The following SCPEP1 variants were observed in gnomAD, a reference collection of about 807,000 sequenced individuals.
SCPEP1 encodes retinoid-inducible serine carboxypeptidase.
Under a neutral mutation model 63.8 loss-of-function variants are expected in SCPEP1, and 51 were observed. The observed-to-expected ratio is 0.80, with a 90% CI of 0.64 to 1.01. The LOEUF (loss-of-function observed/expected upper bound fraction) is 1.01, where lower values mean the gene tolerates loss of function less well. Among genes scored for constraint, SCPEP1 ranks in the 50% least tolerant of loss-of-function variants. SCPEP1 has a pLI of 0.00. For synonymous variants in SCPEP1, 204 were observed against 207.8 expected, an observed-to-expected ratio of 0.98 and a Z score of 0.16; for missense variants, 499 against 554.9, an observed-to-expected ratio of 0.90 and a Z score of 1.01.
chr17:57,004,246 T>C lies in SCPEP1; in HGVS notation c.1297-1927T>C, dbSNP rs546474977. Among the ~76,000 whole-genome samples the C allele has an allele frequency of 1.3e-3, 203 of 152,188 alleles. 2 individuals carry two copies. Among genetic ancestry groups the C allele is most frequent in the Middle Eastern group, 6.8e-3 (2 of 292 alleles). On this transcript the variant is annotated intron_variant, in intron 12 of 12. Coordinates refer to ENST00000262288, the MANE Select transcript of SCPEP1 (RefSeq NM_021626.3). ...GTCTCAAAAAAGAACAAAAATCAAC[T>C]GGGCGCGGTGGCGCCTGCCTGTGGT...
intron 10 of SCPEP1, among the ~76,000 whole-genome samples, chr17:56,999,840 G>A (rs952181699): frequency 6.6e-5 from 10 of 152,182 alleles, no homozygotes; most frequent in Non-Finnish European, 1.2e-4. Flanking sequence ...AAATTAGCTG[G>A]GTGAGGTGGC....
intron 8 of SCPEP1, chr17:56,995,848 T>A (rs543402632): frequency 2.9e-6 from 1 of 350,060 alleles, no homozygotes; most frequent in Admixed American, 4.8e-5. Flanking sequence ...AAGACTTGCT[T>A]GTCCTTCACT....
intron 10 of SCPEP1, 26 bp from the exon 11 acceptor site, chr17:57,000,829 C>G: frequency 6.2e-7 from 1 of 1,613,490 alleles, no homozygotes; most frequent in Non-Finnish European, 8.5e-7. Context: ...CCAAGCTACT[C>G]CCTCTTTCTC....
At chr17:57,001,853 C>G (rs1230419387) in intron 11 of SCPEP1, among the ~76,000 whole-genome samples, 165 bp from the exon 12 acceptor site, 1 of 152,216 alleles carries the variant, frequency 6.6e-6, no homozygotes, top group Non-Finnish European at 1.5e-5. Flanking sequence ...TGCAGATGCT[C>G]AGGCCCTACC....
chr17:57,002,566 GTGTGGTAGCACA>G (rs1911771373), intron 12 of SCPEP1, among the ~76,000 whole-genome samples: 1 of 152,172 alleles, frequency 6.6e-6, no homozygotes, highest in African/African-American at 2.4e-5. Context: ...AATTTACCAG[GTGTGGTAGCACA>G]TGTCTGTAAT....
chr17:57,002,186 G>A lies in SCPEP1; in HGVS notation c.1296+5G>A. 3 of 1,611,782 alleles carry A rather than the reference G, an allele frequency of 1.9e-6. No homozygotes were observed. The highest frequency in any genetic ancestry group is 2.5e-6 in the Non-Finnish European group (3 of 1,179,290). On this transcript the variant is annotated splice_donor_5th_base_variant and intron_variant, in intron 12 of 12. Coordinates refer to ENST00000262288, the MANE Select transcript of SCPEP1 (RefSeq NM_021626.3). The stretch of plus-strand genomic sequence containing the variant: ...ATTCTGAAAGCTGGTCATATGGTAA[G>A]AAAGAGCTTTTGTTCCAGACTTAAA...
intron 6 of SCPEP1, among the ~76,000 whole-genome samples, chr17:56,992,951 G>A (rs867454313): frequency 2.6e-5 from 4 of 152,140 alleles, no homozygotes; most frequent in South Asian, 4.1e-4. Context: ...TGTCTGGATC[G>A]TAATCCATCC....
chr17:57,001,117 AT>A, intron 11 of SCPEP1, 125 bp downstream of exon 11: 2 of 1,007,488 alleles, frequency 2.0e-6, no homozygotes, highest in Non-Finnish European at 3.1e-6. Flanking sequence ...GCCATTTCCC[AT>A]TACATCCGTC....
chr17:57,000,801 C>T (rs1327285564), intron 10 of SCPEP1, 54 bp from the exon 11 acceptor site: 1 of 1,606,094 alleles, frequency 6.2e-7, no homozygotes. Context: ...TGAAAGGTAC[C>T]TCCTGTTTTG....
At chr17:57,004,395 G>C (rs1911826862) in intron 12 of SCPEP1, among the ~76,000 whole-genome samples, 1 of 152,146 alleles carries the variant, frequency 6.6e-6, no homozygotes, top group South Asian at 2.1e-4. Context: ...AATCTAAAGG[G>C]AGAACAAACA....
chr17:56,990,287 CTT>C (rs1267564752), intron 5 of SCPEP1, among the ~76,000 whole-genome samples: 1 of 152,186 alleles, frequency 6.6e-6, no homozygotes, highest in Non-Finnish European at 1.5e-5. Context: ...AAGTAAAAGA[CTT>C]TCACATTTCC....
At chr17:56,999,350 G>C (rs1008979909) in intron 10 of SCPEP1, among the ~76,000 whole-genome samples, 2 of 152,154 alleles carry the variant, frequency 1.3e-5, no homozygotes, top group Non-Finnish European at 2.9e-5. Flanking sequence ...GAAATCCTTA[G>C]AGACCAGGGC....
chr17:56,978,844 G>A (rs1872468560), intron 1 of SCPEP1, among the ~76,000 whole-genome samples: 1 of 152,204 alleles, frequency 6.6e-6, no homozygotes, highest in Admixed American at 6.5e-5. Context: ...TAGGCAAGTT[G>A]TTGAACAGTT....
chr17:56,995,867 G>T, intron 8 of SCPEP1: 3 of 249,422 alleles, frequency 1.2e-5, no homozygotes, highest in Non-Finnish European at 1.4e-5. Flanking sequence ...CTAAATGTAT[G>T]GATTCTATTA....
intron 12 of SCPEP1, among the ~76,000 whole-genome samples, chr17:57,002,953 G>T (rs956295336): frequency 4.0e-5 from 6 of 151,628 alleles, no homozygotes; most frequent in African/African-American, 1.5e-4. Flanking sequence ...ACAAAATTCC[G>T]CTATTAGCAC....
Position 56,985,453 on chromosome 17 carries a change from C to T in SCPEP1, c.301C>T (p.Arg101Trp), listed in dbSNP as rs765529910. The T allele has an allele frequency of 9.3e-6, 15 of 1,613,726 alleles. No individual in the cohort carries two copies. The highest frequency in any genetic ancestry group is 1.7e-5 in the Admixed American group (1 of 60,014). Residue 101 changes from arginine to tryptophan, a missense_variant, in exon 3 of 13, where the codon CGG becomes TGG. By Grantham distance (101) the Arg-to-Trp change is moderately radical (BLOSUM62 -3). Transcript: ENST00000262288. The part of the protein sequence containing the change: ...IGPLDSDLKP[R>W]KTTWLQAASL... ...GCCCCTTGACAGTGATCTCAAACCA[C>T]GGAAAACCACCTGGGTACAGTGAGG...
chr17:56,991,052 T>G (rs746389162), intron 5 of SCPEP1, 47 bp from the exon 6 acceptor site: 5 of 1,377,180 alleles, frequency 3.6e-6, no homozygotes, highest in Non-Finnish European at 5.2e-6. Flanking sequence ...GATTACTGCG[T>G]GAGCCACTGC....
chr17:56,996,723 T>C (rs1567868190), intron 8 of SCPEP1, among the ~76,000 whole-genome samples: 1 of 151,312 alleles, frequency 6.6e-6, no homozygotes, highest in African/African-American at 2.4e-5. Flanking sequence ...TTCACCATGT[T>C]GACCAGGCCG....
intron 4 of SCPEP1, 51 bp from the exon 5 acceptor site, chr17:56,988,164 AC>A: frequency 7.3e-7 from 1 of 1,367,822 alleles, no homozygotes; most frequent in Non-Finnish European, 1.0e-6. Flanking sequence ...AATTTGTGTG[AC>A]TCAAAAAGCA....
Sources: gnomAD v4.1 joint callset for allele counts (sites outside exome capture counted in the v4.1 genomes callset) on GRCh38, gnomAD v4.1.1 for gene constraint, MANE v1.5 for transcripts, NCBI Gene and HGNC (gene_info 2026-07-23, HGNC 2026-07-21) for gene names.